Variants in MATN2 observed in about 807,000 individuals in gnomAD.
MATN2 encodes the protein matrilin 2, also known as matrilin-2.
A neutral mutation model predicts 103.2 loss-of-function variants in MATN2; 69 were observed. The observed-to-expected ratio is 0.67, with a 90% CI of 0.55 to 0.82. MATN2 has a LOEUF of 0.82. Ranked by LOEUF, MATN2 falls within the 40% of genes least tolerant of loss-of-function variation. The probability of loss-of-function intolerance (pLI) is 0.00; values close to 1 mark genes in which losing one functional copy is unlikely to be tolerated. For missense variants in MATN2, 1,023 were observed against 1,211.5 expected (o/e 0.84, Z 2.31); for synonymous variants, 429 against 450.2 (o/e 0.95, Z 0.60).
rs868672643 is a variant in MATN2, at chr8:97,899,360, T to C, written c.142+11118T>C. ...TTAACGGACTCTTCCTCAATAAATA[T>C]ATATATGTTCTAGAAATTTGAGTTG... On this transcript the variant is annotated intron_variant, in intron 2 of 18. Transcript: ENST00000254898. Among the ~76,000 whole-genome samples the C allele has an allele frequency of 2.6e-5, 4 of 152,284 alleles. No individual in the cohort carries two copies. In the South Asian group the frequency reaches 8.3e-4, roughly 32 times the overall value.
intron 2 of MATN2, among the ~76,000 whole-genome samples, chr8:97,929,990 C>T (rs1810122078): frequency 6.6e-6 from 1 of 152,238 alleles, no homozygotes; most frequent in Non-Finnish European, 1.5e-5. Context: ...CTGCCTGCAA[C>T]TCCTAGTATA....
chr8:97,996,816 T>C (rs1002302621), intron 7 of MATN2, among the ~76,000 whole-genome samples: 3 of 152,244 alleles, frequency 2.0e-5, no homozygotes, highest in Non-Finnish European at 2.9e-5. Flanking sequence ...GCCTGAGGTC[T>C]CTTGAGTGAT....
intron 2 of MATN2, among the ~76,000 whole-genome samples, chr8:97,913,797 T>C (rs539894178): frequency 6.6e-6 from 1 of 152,164 alleles, no homozygotes; most frequent in African/African-American, 2.4e-5. Context: ...GTATTCTTAG[T>C]ACAGATGGGG....
chr8:97,953,694 G>A (rs191933126), intron 4 of MATN2, among the ~76,000 whole-genome samples: 1 of 151,856 alleles, frequency 6.6e-6, no homozygotes, highest in African/African-American at 2.4e-5. Flanking sequence ...GAGTACTGAG[G>A]CATGAGAATC....
chr8:97,940,306 T>C (rs1193650669), intron 3 of MATN2, among the ~76,000 whole-genome samples: 1 of 152,132 alleles, frequency 6.6e-6, no homozygotes, highest in Non-Finnish European at 1.5e-5. Flanking sequence ...TCTATTTTAT[T>C]TAAAAATAAT....
chr8:97,994,520 C>A lies in MATN2; in HGVS notation c.1122C>A (p.His374Gln), dbSNP rs11559201. Residue 374 changes from histidine to glutamine, a missense_variant, in exon 7 of 19, where the codon CAC becomes CAA. Coordinates refer to ENST00000254898, the MANE Select transcript of MATN2 (RefSeq NM_002380.5). ...CCTCATCTAATCACGGATGTCAGCA[C>A]GAGTGTGTTAACACAGATGATTCCT... ...YCASSNHGCQ[H>Q]ECVNTDDSYS... 3.1e-6 allele frequency: 5 copies of A among 1,613,052 alleles called. No individual in the cohort carries two copies. The highest frequency in any genetic ancestry group is 4.2e-6 in the Non-Finnish European group (5 of 1,179,544).
At chr8:97,924,157 A>G (rs2130117366) in intron 2 of MATN2, among the ~76,000 whole-genome samples, 1 of 152,246 alleles carries the variant, frequency 6.6e-6, no homozygotes, top group East Asian at 1.9e-4. Context: ...CTACATGATA[A>G]CCCTTGTTAA....
chr8:97,996,350 T>C (rs1812587169), intron 7 of MATN2, among the ~76,000 whole-genome samples: 1 of 152,094 alleles, frequency 6.6e-6, no homozygotes, highest in Non-Finnish European at 1.5e-5. Context: ...AGGAGAAGAC[T>C]GAGAAAGGAA....
chr8:97,947,774 C>G (rs973842771), intron 4 of MATN2, among the ~76,000 whole-genome samples: 1 of 152,122 alleles, frequency 6.6e-6, no homozygotes, highest in Non-Finnish European at 1.5e-5. Flanking sequence ...TTAAAATATA[C>G]ATGAACATGC....
At chr8:98,026,121 G>T (rs1399116353) in intron 13 of MATN2, among the ~76,000 whole-genome samples, 1 of 143,988 alleles carries the variant, frequency 6.9e-6, no homozygotes, top group African/African-American at 2.5e-5. Context: ...GGAGGTTGCA[G>T]TGAGCCAAGA....
rs1489097992 is a variant in MATN2 at position 98,007,820 on chromosome 8, T to C, written c.1573+219T>C. Among the ~76,000 whole-genome samples, 3 of 152,306 alleles carry C rather than the reference T, an allele frequency of 2.0e-5. No homozygotes were observed. Among genetic ancestry groups the C allele is most frequent in the African/African-American group, 7.2e-5 (3 of 41,560 alleles). On this transcript the variant is annotated intron_variant, in intron 10 of 18. Transcript: ENST00000254898. This position sits in a 1 kb window ranked among gnomAD's most constrained non-coding sequence, Gnocchi z 4.2. ...CCCGTGCCCTGAAGTGGCTTTTTGC[T>C]GTTTCCACCTCCCTGTCATTCTGAA...
Position 98,016,545 on chromosome 8 carries a change from G to T in MATN2, c.1579G>T (p.Asp527Tyr). The T allele has an allele frequency of 1.9e-6, 3 of 1,607,506 alleles. No homozygotes were observed. The highest frequency in any genetic ancestry group is 1.7e-6 in the Non-Finnish European group (2 of 1,176,516). Residue 527 changes from aspartate to tyrosine, a missense_variant, in exon 11 of 19, where the codon GAC becomes TAC. By Grantham distance (160) the Asp-to-Tyr change is radical. Coordinates refer to ENST00000254898, the MANE Select transcript of MATN2 (RefSeq NM_002380.5). Reference sequence around the variant, plus strand: ...AATTCCCATTTGATTCTCAGAATTGGACTCTTGTGCTCTGGGGGACCACGG... The same window carrying T: ...AATTCCCATTTGATTCTCAGAATTGTACTCTTGTGCTCTGGGGGACCACGG... ...RSDGKTCAKL[D>Y]SCALGDHGCE...
intron 2 of MATN2, among the ~76,000 whole-genome samples, chr8:97,927,212 T>TGGCTCACAGCAACCTCC (rs1424000557): frequency 6.6e-6 from 1 of 152,138 alleles, no homozygotes; most frequent in Admixed American, 6.6e-5. Flanking sequence ...GGCATGATCT[T>TGGCTCACAGCAACCTCC]GGCTCACAGC....
intron 5 of MATN2, among the ~76,000 whole-genome samples, chr8:97,973,772 G>A (rs1811741064): frequency 6.6e-6 from 1 of 151,988 alleles, no homozygotes; most frequent in African/African-American, 2.4e-5. Context: ...GTCTCGCTAT[G>A]TATCCCAGGC....
Position 98,030,445 on chromosome 8 carries a change from T to C in MATN2, c.2357-17T>C. ...ACAACTCTAACTAACTTGCTCTTAATTTTTCCTGCACCCTAGGTATCACTA... is the reference window on the plus strand; with the variant it reads ...ACAACTCTAACTAACTTGCTCTTAACTTTTCCTGCACCCTAGGTATCACTA... On this transcript the variant is annotated splice_polypyrimidine_tract_variant and intron_variant, in intron 14 of 18. Transcript: ENST00000254898. The C allele has an allele frequency of 1.2e-6, 2 of 1,606,612 alleles. No homozygotes were observed. Among genetic ancestry groups the C allele is most frequent in the Non-Finnish European group, 1.7e-6 (2 of 1,176,594 alleles).
At chr8:98,004,424 A>G (rs993303127) in intron 8 of MATN2, 1 of 152,314 alleles carries the variant, frequency 6.6e-6, no homozygotes, top group African/African-American at 2.4e-5. Context: ...TTCAAATCCA[A>G]CCTCTCCCAC....
chr8:97,933,630 G>A (rs1447830368), intron 3 of MATN2, among the ~76,000 whole-genome samples: 2 of 150,816 alleles, frequency 1.3e-5, no homozygotes, highest in African/African-American at 4.9e-5. Context: ...AAATGAAAAG[G>A]CAGTTTGGAC....
chr8:97,885,651 A>G lies in MATN2; in HGVS notation c.-26-2424A>G, dbSNP rs1279122396. 5.3e-5 allele frequency among the ~76,000 whole-genome samples: 8 copies of G among 151,594 alleles called. No individual in the cohort carries two copies. In the East Asian group the frequency reaches 1.6e-3, roughly 30 times the overall value. ...AATCTAATTAGTAAAGAGTTTAAAT[A>G]GGCTGGGTGTGTTGGCTCACACCTG... On this transcript the variant is annotated intron_variant, in intron 1 of 18. Coordinates refer to ENST00000254898, the MANE Select transcript of MATN2 (RefSeq NM_002380.5).
chr8:97,960,286 C>T (rs1811266863), intron 4 of MATN2, among the ~76,000 whole-genome samples: 1 of 152,114 alleles, frequency 6.6e-6, no homozygotes, highest in African/African-American at 2.4e-5. Flanking sequence ...AGAAAATTCT[C>T]TTTAATATAT....
Sources: allele counts gnomAD v4.1 joint callset (sites outside exome capture counted in the v4.1 genomes callset), GRCh38; gene constraint gnomAD v4.1.1; non-coding constraint Gnocchi (gnomAD v3.1); transcripts MANE v1.5; gene names NCBI Gene and HGNC (gene_info 2026-07-23, HGNC 2026-07-21).